SIPA1L3: variants seen among roughly 807,000 people sequenced by gnomAD.
SIPA1L3 encodes signal induced proliferation associated 1 like 3.
A neutral mutation model predicts 150.1 loss-of-function variants in SIPA1L3; 59 were observed. The observed-to-expected ratio is 0.39, with a 90% confidence interval of 0.32 to 0.49. SIPA1L3 has a LOEUF of 0.49. SIPA1L3 is among the 20% of genes least tolerant of loss of function. The pLI is 0.86. For missense variants in SIPA1L3, 2,211 were observed against 2,489.5 expected (o/e 0.89, Z 2.38); for synonymous variants, 1,070 against 1,077.6 (o/e 0.99, Z 0.14).
chr19:38,198,673 C>G (rs1973021131), intron 19 of SIPA1L3, 141 bp downstream of exon 19: 3 of 851,014 alleles, frequency 3.5e-6, no homozygotes, highest in Admixed American at 4.1e-5. Flanking sequence ...TGCCCCGTCA[C>G]TTGCTTACCA....
At chr19:37,908,180 T>C (rs1235525549) in intron 1 of SIPA1L3, among the ~76,000 whole-genome samples, 3 of 152,096 alleles carry the variant, frequency 2.0e-5, no homozygotes, top group Non-Finnish European at 4.4e-5. Context: ...AGGGTGGGGC[T>C]CTGGCCGTAG....
At chr19:38,197,468 C>T (rs1197475776) in intron 18 of SIPA1L3, among the ~76,000 whole-genome samples, 1 of 152,090 alleles carries the variant, frequency 6.6e-6, no homozygotes, top group Non-Finnish European at 1.5e-5. Flanking sequence ...GCGTGTCATA[C>T]CTGAACCTGC....
intron 12 of SIPA1L3, 26 bp downstream of exon 12, chr19:38,142,736 G>A (rs781778654): frequency 6.2e-5 from 99 of 1,602,726 alleles, no homozygotes; most frequent in Non-Finnish European, 8.3e-5. Flanking sequence ...TTCTTTTCAT[G>A]TTAAGGGATC....
intron 20 of SIPA1L3, 53 bp downstream of exon 20, chr19:38,202,050 T>TG (rs1973099237): frequency 1.3e-6 from 2 of 1,533,134 alleles, no homozygotes; most frequent in Non-Finnish European, 1.8e-6. Context: ...GCCTGTGCAG[T>TG]GGAAGAGGCT....
intron 13 of SIPA1L3, among the ~76,000 whole-genome samples, chr19:38,153,867 G>C (rs1034612552): frequency 1.6e-4 from 24 of 152,232 alleles, no homozygotes; most frequent in African/African-American, 5.3e-4. Context: ...CTGGGAGGCA[G>C]AGGTTGCAGT....
At chr19:38,027,558 G>A (rs538350638) in intron 1 of SIPA1L3, among the ~76,000 whole-genome samples, 2 of 152,248 alleles carry the variant, frequency 1.3e-5, no homozygotes, top group African/African-American at 4.8e-5. Context: ...TTGGGGAAGT[G>A]GAGCAGGGAG....
At position 38,141,390 on chromosome 19, in the gene SIPA1L3, C is replaced by A. The variant is rs565979400; in HGVS notation, c.3350C>A (p.Thr1117Asn). The A allele has an allele frequency of 1.2e-6, 2 of 1,613,124 alleles. No homozygotes were observed. Among genetic ancestry groups the A allele is most frequent in the Non-Finnish European group, 8.5e-7 (1 of 1,179,962 alleles). ...AQSLSRPLKQ[T>N]PIVPFRESQP... ...TCCCTGAGCCGGCCCCTGAAGCAGACCCCCATAGTCCCCTTCCGGGAGTCC... is the reference window on the plus strand; with the variant it reads ...TCCCTGAGCCGGCCCCTGAAGCAGAACCCCATAGTCCCCTTCCGGGAGTCC... The change falls in exon 11 of 22, where the codon ACC becomes AAC. Residue 1117 changes from threonine to asparagine, a missense_variant. Coordinates refer to ENST00000222345, the MANE Select transcript of SIPA1L3 (RefSeq NM_015073.3).
intron 1 of SIPA1L3, among the ~76,000 whole-genome samples, chr19:37,991,274 T>A (rs747959838): frequency 8.6e-5 from 13 of 152,006 alleles, no homozygotes; most frequent in Non-Finnish European, 1.2e-4. Context: ...ATTGGCCTTT[T>A]AAAAAAAATA....
chr19:38,206,040 G>T, intron 21 of SIPA1L3, 57 bp from the exon 22 acceptor site: 2 of 1,481,454 alleles, frequency 1.4e-6, no homozygotes, highest in Non-Finnish European at 1.8e-6. Context: ...GGAGCCATCG[G>T]CTGTTCCAGG....
intron 12 of SIPA1L3, 24 bp downstream of exon 12, chr19:38,142,734 A>G (rs1971621112): frequency 6.2e-7 from 1 of 1,602,446 alleles, no homozygotes; most frequent in African/African-American, 1.3e-5. Flanking sequence ...AATTCTTTTC[A>G]TGTTAAGGGA....
chr19:38,101,995 GT>G (rs1376329499), intron 6 of SIPA1L3, among the ~76,000 whole-genome samples: 1 of 152,038 alleles, frequency 6.6e-6, no homozygotes, highest in Non-Finnish European at 1.5e-5. Context: ...CCTCAGAAGA[GT>G]GGGACCTGAA....
chr19:38,176,383 T>G (rs1403102234), intron 15 of SIPA1L3, among the ~76,000 whole-genome samples: 1 of 151,886 alleles, frequency 6.6e-6, no homozygotes, highest in Admixed American at 6.6e-5. Context: ...GTTTTTTTTT[T>G]GTTTTTTTTA....
chr19:37,954,422 C>T (rs897544954), intron 1 of SIPA1L3, among the ~76,000 whole-genome samples: 2 of 151,930 alleles, frequency 1.3e-5, no homozygotes, highest in African/African-American at 4.8e-5. Context: ...TGTTTGGAGT[C>T]CTGGAGGTTT....
chr19:38,201,114 C>T (rs750864020), intron 19 of SIPA1L3, among the ~76,000 whole-genome samples: 6 of 152,218 alleles, frequency 3.9e-5, no homozygotes, highest in Non-Finnish European at 7.3e-5. Context: ...CCTCAACACA[C>T]GGCACACAGG....
At chr19:37,972,977 C>G (rs546430587) in intron 1 of SIPA1L3, among the ~76,000 whole-genome samples, 1 of 152,036 alleles carries the variant, frequency 6.6e-6, no homozygotes, top group African/African-American at 2.4e-5. Flanking sequence ...AGTTACATGG[C>G]GACAGCTAGC....
At chr19:38,188,235 G>T (rs916059617) in intron 16 of SIPA1L3, among the ~76,000 whole-genome samples, 1 of 151,680 alleles carries the variant, frequency 6.6e-6, no homozygotes, top group African/African-American at 2.4e-5. Flanking sequence ...GCCCAAGCTG[G>T]AGCACAGTGG....
intron 17 of SIPA1L3, 77 bp downstream of exon 17, chr19:38,192,387 G>A: frequency 2.9e-6 from 4 of 1,368,722 alleles, no homozygotes; most frequent in Non-Finnish European, 4.0e-6. Context: ...AAGGAGAAGG[G>A]CTGTGCTCCC....
chr19:38,166,794 C>T (rs1394611277), intron 15 of SIPA1L3, among the ~76,000 whole-genome samples: 1 of 152,124 alleles, frequency 6.6e-6, no homozygotes, highest in African/African-American at 2.4e-5. Context: ...GGATCTTCCT[C>T]TCCTGTGGCG....
intron 13 of SIPA1L3, among the ~76,000 whole-genome samples, chr19:38,159,462 C>T (rs1972025440): frequency 6.6e-6 from 1 of 152,230 alleles, no homozygotes; most frequent in Non-Finnish European, 1.5e-5. Flanking sequence ...CTAGGTGTCT[C>T]TCCTTCCAGG....
Sources: allele counts gnomAD v4.1 joint callset (sites outside exome capture counted in the v4.1 genomes callset), GRCh38; gene constraint gnomAD v4.1.1; transcripts MANE v1.5; gene names NCBI Gene and HGNC (gene_info 2026-07-23, HGNC 2026-07-21).